CRTC1: variants seen among roughly 807,000 people sequenced by gnomAD.
The protein encoded by CRTC1 is CREB-regulated transcription coactivator 1.
Under a neutral mutation model 66.1 loss-of-function variants are expected in CRTC1, and 18 were observed. The ratio of observed to expected loss-of-function variants is 0.27; its 90% CI spans 0.19 to 0.40. The LOEUF is 0.40. Among genes scored for constraint, CRTC1 ranks in the 10% least tolerant of loss-of-function variants. CRTC1 has a pLI of 1.00. For synonymous variants in CRTC1, 416 were observed against 398.8 expected (o/e 1.04, Z -0.51); for missense variants, 669 against 887.9 (o/e 0.75, Z 3.13).
rs1305640673 is a variant in CRTC1, at chr19:18,712,842, C to A, written c.126+29014C>A. Among the ~76,000 whole-genome samples the A allele has an allele frequency of 3.9e-5, 6 of 152,058 alleles. No homozygotes were observed. In the East Asian group the frequency reaches 5.8e-4, roughly 15 times the overall value. On this transcript the variant is annotated intron_variant, in intron 1 of 13. Transcript: ENST00000321949. Reference sequence around the variant, plus strand: ...GGGCATGGTGGCATACGGCTGTAATCCCAGCTACCTGGGAGGCTGAGGCAG... The same window carrying A: ...GGGCATGGTGGCATACGGCTGTAATACCAGCTACCTGGGAGGCTGAGGCAG...
chr19:18,777,171 T>TG lies in CRTC1; in HGVS notation c.1695dup (p.Thr566AspfsTer10). On this transcript the variant is annotated frameshift_variant and splice_region_variant, in exon 14 of 14. Coordinates refer to ENST00000321949, the MANE Select transcript of CRTC1 (RefSeq NM_015321.3). LOFTEE classifies it high-confidence loss of function. This position sits in a 1 kb window ranked among gnomAD's most constrained non-coding sequence, Gnocchi z 5.5. ...CTTTTGTCCCCACCCCATCCCCCAGTGACAGGAGAGTCCCCCCCCAGCCTC... is the reference window on the plus strand; with the variant it reads ...CTTTTGTCCCCACCCCATCCCCCAGTGGACAGGAGAGTCCCCCCCCAGCCTC... 2 of 947,312 alleles carry TG rather than the reference T, an allele frequency of 2.1e-6. No homozygotes were observed. The highest frequency in any genetic ancestry group is 3.1e-6 in the Non-Finnish European group (2 of 639,086). The allele number at this position is 947,312 out of a possible 1,614,324, so 58.7% of individuals were successfully genotyped here.
chr19:18,686,776 C>G (rs1238678838), intron 1 of CRTC1, among the ~76,000 whole-genome samples: 1 of 151,874 alleles, frequency 6.6e-6, no homozygotes, highest in Non-Finnish European at 1.5e-5. Flanking sequence ...TGAGTTCACA[C>G]TAGATTTTTA....
intron 9 of CRTC1, among the ~76,000 whole-genome samples, chr19:18,766,604 CCTGG>C (rs1293776474): frequency 6.6e-6 from 1 of 150,674 alleles, no homozygotes; most frequent in Non-Finnish European, 1.5e-5. Flanking sequence ...CGCCACCACG[CCTGG>C]CTAATTAAAA....
intron 9 of CRTC1, among the ~76,000 whole-genome samples, chr19:18,767,957 C>T (rs1332935236): frequency 6.6e-6 from 1 of 152,220 alleles, no homozygotes; most frequent in African/African-American, 2.4e-5. Flanking sequence ...ACACTTCCCT[C>T]TTATTGATTT....
chr19:18,749,729 G>T, intron 4 of CRTC1, 52 bp from the exon 5 acceptor site: 2 of 1,456,894 alleles, frequency 1.4e-6, no homozygotes, highest in Non-Finnish European at 1.9e-6. Flanking sequence ...CAGGACTATC[G>T]CATTGTCTGC....
intron 6 of CRTC1, among the ~76,000 whole-genome samples, chr19:18,755,593 C>CTTT (rs58121199): frequency 4.0e-4 from 43 of 107,490 alleles, no homozygotes; most frequent in African/African-American, 9.4e-4. Flanking sequence ...CCAAACCTGG[C>CTTT]TTTTTTTTTT....
intron 13 of CRTC1, among the ~76,000 whole-genome samples, chr19:18,776,206 C>T (rs1364836308): frequency 2.0e-5 from 3 of 152,208 alleles, no homozygotes; most frequent in Non-Finnish European, 2.9e-5. Flanking sequence ...GTGGGGTGGG[C>T]CCTGTCTGGT....
chr19:18,736,055 T>C (rs7256502), intron 1 of CRTC1, among the ~76,000 whole-genome samples: 35,672 of 152,058 alleles, frequency 0.23, 4,564 homozygotes, highest in African/African-American at 0.33. Context: ...TTGGTTGGTT[T>C]TCAGCTGTTG....
intron 1 of CRTC1, among the ~76,000 whole-genome samples, chr19:18,720,322 CCTGA>C (rs1469429872): frequency 4.6e-5 from 7 of 151,920 alleles, no homozygotes; most frequent in African/African-American, 2.4e-5. Flanking sequence ...AGCCACCACA[CCTGA>C]CTAACTTTTG....
intron 1 of CRTC1, among the ~76,000 whole-genome samples, chr19:18,698,947 G>C (rs941753520): frequency 1.3e-5 from 2 of 151,754 alleles, no homozygotes; most frequent in African/African-American, 4.8e-5. Flanking sequence ...CGCTCAGCAG[G>C]TGCATAATGT....
intron 1 of CRTC1, among the ~76,000 whole-genome samples, chr19:18,721,273 A>G (rs1460806472): frequency 1.3e-5 from 2 of 148,500 alleles, no homozygotes; most frequent in Non-Finnish European, 3.0e-5. Context: ...GGCTCACTGC[A>G]AGCTCCGCCT....
At chr19:18,695,351 C>T (rs1568479877) in intron 1 of CRTC1, among the ~76,000 whole-genome samples, 1 of 152,086 alleles carries the variant, frequency 6.6e-6, no homozygotes, top group Non-Finnish European at 1.5e-5. Context: ...GCCATATGGA[C>T]AGCACAAGTG....
intron 11 of CRTC1, among the ~76,000 whole-genome samples, chr19:18,773,164 A>G (rs956365172): frequency 6.6e-6 from 1 of 151,972 alleles, no homozygotes; most frequent in Non-Finnish European, 1.5e-5. Context: ...TCATGGAGGT[A>G]TAGGGACATC....
chr19:18,721,492 C>CTT (rs56049346), intron 1 of CRTC1, among the ~76,000 whole-genome samples: 3 of 122,066 alleles, frequency 2.5e-5, no homozygotes, highest in East Asian at 2.6e-4. Flanking sequence ...CACACCCGGC[C>CTT]TTTTTTTTTT....
At chr19:18,734,068 C>T (rs1433004251) in intron 1 of CRTC1, among the ~76,000 whole-genome samples, 12 of 152,002 alleles carry the variant, frequency 7.9e-5, no homozygotes. Context: ...CGCCACTCCA[C>T]TGCAGCCTGG....
rs1197159620 is a variant in CRTC1 at position 18,753,470 on chromosome 19, ATTCTCC to A, written c.539-23_539-18del. The A allele has an allele frequency of 3.3e-6, 5 of 1,535,786 alleles. No homozygotes were observed. The African/African-American group carries it at 6.9e-5, about 21-fold the overall frequency. ...CGGCTGCAAAGAAATTTCTTCTCTG[ATTCTCC>A]TTCTCCCCCTCCCACCTCCCCAGTC... On this transcript the variant is annotated intron_variant, in intron 5 of 13. Transcript: ENST00000321949.
rs1256094177 is a variant in CRTC1 at position 18,753,495 on chromosome 19, C to T, written c.539-5C>T. ...ATTCTCCTTCTCCCCCTCCCACCTCCCCAGTCTTACTGTTAACAGTCCCAG... is the reference window on the plus strand; with the variant it reads ...ATTCTCCTTCTCCCCCTCCCACCTCTCCAGTCTTACTGTTAACAGTCCCAG... On this transcript the variant is annotated splice_polypyrimidine_tract_variant and splice_region_variant and intron_variant, in intron 5 of 13. Coordinates refer to ENST00000321949, the MANE Select transcript of CRTC1 (RefSeq NM_015321.3). 1.2e-6 allele frequency: 2 copies of T among 1,603,836 alleles called. No individual in the cohort carries two copies. Among genetic ancestry groups the T allele is most frequent in the East Asian group, 2.2e-5 (1 of 44,760 alleles).
chr19:18,721,731 G>A (rs56321022), intron 1 of CRTC1, among the ~76,000 whole-genome samples: 15,823 of 152,204 alleles, frequency 0.1, 1,046 homozygotes, highest in East Asian at 0.26. Context: ...CTGAGCTCAA[G>A]CAATCCACCT....
At position 18,781,489 on chromosome 19, in the gene CRTC1, G is replaced by A; in HGVS notation, c.*4107G>A. On this transcript the variant is annotated 3_prime_UTR_variant, in exon 14 of 14. Transcript: ENST00000321949. ...CTTCCAGGGTCCTGGCCAGGCAGGG[G>A]TCAGGCACCCCATACTCTTCCGTGT... is the stretch of plus-strand genomic sequence containing the variant. The A allele has an allele frequency of 4.4e-6, 1 of 229,808 alleles. No homozygotes were observed. Among genetic ancestry groups the A allele is most frequent in the Admixed American group, 5.7e-5 (1 of 17,690 alleles). 14.2% of individuals were successfully genotyped at this position (229,808 alleles called of 1,614,324 possible).
Sources: gnomAD v4.1 joint callset for allele counts (sites outside exome capture counted in the v4.1 genomes callset) on GRCh38, gnomAD v4.1.1 for gene constraint, Gnocchi (gnomAD v3.1) non-coding constraint, MANE v1.5 for transcripts, NCBI Gene and HGNC (gene_info 2026-07-23, HGNC 2026-07-21) for gene names.